SLC44A4: variants seen among roughly 807,000 people sequenced by gnomAD.
SLC44A4 encodes solute carrier family 44 member 4, also known as choline transporter-like protein 4.
SLC44A4 carries 74 observed loss-of-function variants against 97.0 expected under a neutral mutation model. The ratio of observed to expected loss-of-function variants is 0.76; its 90% confidence interval spans 0.63 to 0.93. The LOEUF (loss-of-function observed/expected upper bound fraction) is 0.93, where lower values mean the gene tolerates loss of function less well. Among genes scored for constraint, SLC44A4 ranks in the 40% least tolerant of loss-of-function variants. SLC44A4 has a pLI of 0.00. For missense variants in SLC44A4, 799 were observed against 902.9 expected, an observed-to-expected ratio of 0.88 and a Z score of 1.48; for synonymous variants, 325 against 363.8, an observed-to-expected ratio of 0.89 and a Z score of 1.21.
rs116709967 is a variant in SLC44A4, at chr6:31,874,307, A to C, written c.529+153T>G. Among the ~76,000 whole-genome samples the C allele has an allele frequency of 6.6e-6, 1 of 152,204 alleles. No individual in the cohort carries two copies. The highest frequency in any genetic ancestry group is 1.5e-5 in the Non-Finnish European group (1 of 68,044). ...ACACTGATGGTCTGACTGCAAGGCC[A>C]CATAACAAAGAGCAAAATGAAGACC... On this transcript the variant is annotated intron_variant, in intron 7 of 20. Transcript: ENST00000229729. This position sits in a 1 kb window ranked among gnomAD's most constrained non-coding sequence, Gnocchi z 4.8.
chr6:31,878,017 G>C lies in SLC44A4; in HGVS notation c.40+924C>G, dbSNP rs1239987426. The C allele has an allele frequency of 6.6e-6, 1 of 151,984 alleles. No individual in the cohort carries two copies. Among genetic ancestry groups the C allele is most frequent in the Non-Finnish European group, 1.5e-5 (1 of 68,004 alleles). The allele number at this position is 151,984 out of a possible 1,614,324, so 9.4% of individuals were successfully genotyped here. A position where few individuals can be genotyped will look rare whatever the true frequency, so the allele number is the denominator to read the frequency against. On this transcript the variant is annotated intron_variant, in intron 1 of 20. Transcript: ENST00000229729. The surrounding 1 kb of genome is among the most constrained non-coding windows in gnomAD (Gnocchi z 4.0). ...CCCTAAGGGACTCAAGCCTCTCCTC[G>C]AGAAGGTCCCTCATAGGGGTTCCTT...
chr6:31,866,658 C>T (rs991137283), intron 13 of SLC44A4, among the ~76,000 whole-genome samples: 2 of 151,938 alleles, frequency 1.3e-5, no homozygotes, highest in African/African-American at 4.8e-5. Flanking sequence ...TTTGGGAGGC[C>T]GAGGTGGGCG....
Position 31,878,074 on chromosome 6 carries a change from C to T in SLC44A4, c.40+867G>A, listed in dbSNP as rs944457708. The T allele has an allele frequency of 6.6e-6, 1 of 152,116 alleles. No homozygotes were observed. The highest frequency in any genetic ancestry group is 2.4e-5 in the African/African-American group (1 of 41,336). The allele number at this position is 152,116 out of a possible 1,614,324, so 9.4% of individuals were successfully genotyped here. On this transcript the variant is annotated intron_variant, in intron 1 of 20. Transcript: ENST00000229729. The surrounding 1 kb of genome is among the most constrained non-coding windows in gnomAD (Gnocchi z 4.0). ...CAGACCAGAAGACCAGGGGGGCCTC[C>T]GCAGGTGAGTCCCCAGCCTTCACTG...
Position 31,865,631 on chromosome 6 carries a change from A to G in SLC44A4, c.1583-30T>C. The G allele has an allele frequency of 6.2e-7, 1 of 1,610,296 alleles. No homozygotes were observed. Among genetic ancestry groups the G allele is most frequent in the Non-Finnish European group, 8.5e-7 (1 of 1,177,532 alleles). On this transcript the variant is annotated intron_variant, in intron 15 of 20. Transcript: ENST00000229729. The surrounding 1 kb of genome is among the most constrained non-coding windows in gnomAD (Gnocchi z 5.2). ...GAGCGAGGAAGGCTCATGTTTGGTCACTGCCCCTCCCTAATGGCCTTCCCC... is the reference window on the plus strand; with the variant it reads ...GAGCGAGGAAGGCTCATGTTTGGTCGCTGCCCCTCCCTAATGGCCTTCCCC...
At position 31,863,473 on chromosome 6, in the gene SLC44A4, G is replaced by T; in HGVS notation, c.*154C>A. 9.3e-7 allele frequency: 1 copy of T among 1,080,002 alleles called. No homozygotes were observed. Among genetic ancestry groups the T allele is most frequent in the Non-Finnish European group, 1.3e-6 (1 of 789,606 alleles). 66.9% of individuals were successfully genotyped at this position (1,080,002 alleles called of 1,614,324 possible). On this transcript the variant is annotated 3_prime_UTR_variant, in exon 21 of 21. Transcript: ENST00000229729. ...AACTCCTGACTCAGGTGATCCGCCC[G>T]CCTCAGCCTCTCAAAGTGTTGGATT...
In SLC44A4 at chr6:31,870,818, C is replaced by G; in HGVS notation, c.931G>C (p.Ala311Pro). 1 of 1,613,040 alleles carries G rather than the reference C, an allele frequency of 6.2e-7. No individual in the cohort carries two copies. Among genetic ancestry groups the G allele is most frequent in the Non-Finnish European group, 8.5e-7 (1 of 1,180,002 alleles). Residue 311 changes from alanine (A) to proline (P), a missense_variant, in exon 10 of 21, where the codon GCC (alanine) becomes CCC (proline). By Grantham distance (27) the Ala-to-Pro change is conservative. This residue lies in a region of SLC44A4 where 409 missense variants were observed against 434.1 expected (regional missense o/e 0.94). Coordinates refer to ENST00000229729, the MANE Select transcript of SLC44A4 (RefSeq NM_025257.3). ...GGGTGGGCAGGACACTCACGGGCGG[C>G]CAGCCAGGTCTCCTGCACGCTCTGG... ...AYQSVQETWL[A>P]ALIVLAVLEA...
Position 31,876,061 on chromosome 6 carries a change from A to G in SLC44A4, c.158T>C (p.Ile53Thr), listed in dbSNP as rs957907913. 6.2e-6 allele frequency: 10 copies of G among 1,613,828 alleles called. No homozygotes were observed. Among genetic ancestry groups the G allele is most frequent in the Non-Finnish European group, 7.6e-6 (9 of 1,179,998 alleles). Residue 53 changes from isoleucine (I) to threonine (T), a missense_variant, in exon 3 of 21, where the codon ATT becomes ACT. Transcript: ENST00000229729. This position sits in a 1 kb window ranked among gnomAD's most constrained non-coding sequence, Gnocchi z 4.8. ...LFILGYIVVG[I>T]VAWLYGDPRQ... Reference sequence around the variant, plus strand: ...CTGAGCAGCTGGAAACTCACCCACAATCCCCACCACGATGTAACCTAGAAT... The same window carrying G: ...CTGAGCAGCTGGAAACTCACCCACAGTCCCCACCACGATGTAACCTAGAAT...
rs1299060751 is a variant in SLC44A4 at position 31,869,143 on chromosome 6, G to A, written c.1233+12C>T. On this transcript the variant is annotated intron_variant, in intron 13 of 20. Transcript: ENST00000229729. Reference sequence around the variant, plus strand: ...TACTAGTCCCGCCTCCATGTCCCCTGCTTCCTCTTACCGTGGGGTTGCATG... The same window carrying A: ...TACTAGTCCCGCCTCCATGTCCCCTACTTCCTCTTACCGTGGGGTTGCATG... 2 of 1,594,742 alleles carry A rather than the reference G, an allele frequency of 1.3e-6. No homozygotes were observed. The highest frequency in any genetic ancestry group is 1.3e-5 in the African/African-American group (1 of 74,640).
At position 31,875,860 on chromosome 6, in the gene SLC44A4, C is replaced by T. The variant is rs1245623410; in HGVS notation, c.234G>A (p.Gly78=). 2.5e-6 allele frequency: 4 copies of T among 1,610,802 alleles called. No homozygotes were observed. The highest frequency in any genetic ancestry group is 2.2e-5 in the East Asian group (1 of 44,806). ...RNSTGAYCGM[G]ENKDKPYLLY... ...CTCGCCTTTGTACTCACTTGTTCTC[C>T]CCCATGCCACAGTAGGCCCCAGTAG... Residue 78 remains glycine, a synonymous_variant, in exon 4 of 21, where the codon GGG becomes GGA. Transcript: ENST00000229729.
At position 31,871,516 on chromosome 6, in the gene SLC44A4, A is replaced by T. The variant is rs1482197987; in HGVS notation, c.575T>A (p.Leu192His). ...FPWTNVTPPALPGITNDTTIQ... is the reference protein window; with the variant it reads ...FPWTNVTPPAHPGITNDTTIQ... ...GGTGGTGTCATTGGTGATCCCTGGG[A>T]GCGCCGGTGGAGTAACGTTGGTCCA... is the stretch of plus-strand genomic sequence containing the variant. The change falls in exon 8 of 21, where the codon CTC (leucine) becomes CAC (histidine). Residue 192 changes from leucine (L) to histidine (H), a missense_variant. Around this residue, in one of 3 missense-constraint regions of SLC44A4, gnomAD observed 409 missense variants for 434.1 expected, o/e 0.94. Transcript: ENST00000229729. The T allele has an allele frequency of 6.2e-7, 1 of 1,613,738 alleles. No homozygotes were observed. Among genetic ancestry groups the T allele is most frequent in the Non-Finnish European group, 8.5e-7 (1 of 1,179,858 alleles).
chr6:31,874,737 C>T lies in SLC44A4; in HGVS notation c.452G>A (p.Gly151Glu). The T allele has an allele frequency of 6.2e-7, 1 of 1,612,468 alleles. No individual in the cohort carries two copies. ...YTKNRNFCLP[G>E]VPWNMTVITS... Reference sequence around the variant, plus strand: ...AATATTCACCATATTCCAGGGTACCCCTGGCAGACAAAAGTTCCTGTTTTT... The same window carrying T: ...AATATTCACCATATTCCAGGGTACCTCTGGCAGACAAAAGTTCCTGTTTTT... Residue 151 changes from glycine to glutamate, a missense_variant, in exon 6 of 21, where the codon GGG (glycine) becomes GAG (glutamate). By Grantham distance (98) the Gly-to-Glu change is moderately conservative. Around this residue, in one of 3 missense-constraint regions of SLC44A4, gnomAD observed 409 missense variants for 434.1 expected, o/e 0.94. Coordinates refer to ENST00000229729, the MANE Select transcript of SLC44A4 (RefSeq NM_025257.3). This position sits in a 1 kb window ranked among gnomAD's most constrained non-coding sequence, Gnocchi z 4.8.
At position 31,866,000 on chromosome 6, in the gene SLC44A4, G is replaced by C. The variant is rs1333508106; in HGVS notation, c.1360C>G (p.Leu454Val). 6.2e-7 allele frequency: 1 copy of C among 1,614,216 alleles called. No individual in the cohort carries two copies. The highest frequency in any genetic ancestry group is 1.3e-5 in the African/African-American group (1 of 75,048). Residue 454 changes from leucine (L) to valine (V), a missense_variant, in exon 14 of 21, where the codon CTT becomes GTT. By Grantham distance (32) the Leu-to-Val change is conservative. Coordinates refer to ENST00000229729, the MANE Select transcript of SLC44A4 (RefSeq NM_025257.3). This position sits in a 1 kb window ranked among gnomAD's most constrained non-coding sequence, Gnocchi z 5.2. ...IYGVLGLFWT[L>V]NWVLALGQCV... is the part of the protein sequence containing the mutation. ...TGGCCCAGGGCCAGTACCCAGTTAA[G>C]GGTCCAGAAGAGCCCCAGGACCCCA...
intron 13 of SLC44A4, among the ~76,000 whole-genome samples, chr6:31,866,622 G>T (rs1762887632): frequency 6.6e-6 from 1 of 152,170 alleles, no homozygotes; most frequent in Non-Finnish European, 1.5e-5. Flanking sequence ...GGCGGGTGCG[G>T]TGGCTTATGC....
chr6:31,875,375 T>C (rs977762081), intron 4 of SLC44A4, among the ~76,000 whole-genome samples: 2 of 152,230 alleles, frequency 1.3e-5, no homozygotes, highest in Non-Finnish European at 2.9e-5. Context: ...AATGCGCTTG[T>C]GTGTGTAAAG....
At chr6:31,872,589 G>GT (rs1188634043) in intron 7 of SLC44A4, among the ~76,000 whole-genome samples, 1 of 152,164 alleles carries the variant, frequency 6.6e-6, no homozygotes, top group African/African-American at 2.4e-5. Context: ...CTGGAGTGCA[G>GT]TGGCACAATC....
rs148794945 is a variant in SLC44A4 at position 31,874,466 on chromosome 6, C to T, written c.523G>A (p.Ala175Thr). Reference protein sequence around the residue: ...ELCPSFLLPSAPALGRCFPWT... With the variant: ...ELCPSFLLPSTPALGRCFPWT... ...AGGAATCTGTGCTTCTCACCTGGAG[C>T]AGAGGGGAGGAGGAAACTGGGGCAG... The change falls in exon 7 of 21, where the codon GCT becomes ACT. Residue 175 changes from alanine to threonine, a missense_variant. Physicochemically the swap from Ala to Thr is moderately conservative, Grantham distance 58 (BLOSUM62 0). Around this residue, in one of 3 missense-constraint regions of SLC44A4, gnomAD observed 409 missense variants for 434.1 expected, o/e 0.94. Transcript: ENST00000229729. The surrounding 1 kb of genome is among the most constrained non-coding windows in gnomAD (Gnocchi z 4.8). The T allele has an allele frequency of 3.0e-5, 48 of 1,613,070 alleles. No individual in the cohort carries two copies. In the African/African-American group the frequency reaches 6.1e-4, roughly 21 times the overall value.
intron 4 of SLC44A4, 70 bp from the exon 5 acceptor site, chr6:31,875,098 G>C: frequency 7.8e-7 from 1 of 1,285,998 alleles, no homozygotes; most frequent in Non-Finnish European, 1.1e-6. Flanking sequence ...GACCACTAGG[G>C]TGGCTTCTCA....
Position 31,877,650 on chromosome 6 carries a change from C to T in SLC44A4, c.41-568G>A. 1.0e-6 allele frequency: 1 copy of T among 986,432 alleles called. No individual in the cohort carries two copies. The highest frequency in any genetic ancestry group is 1.2e-6 in the Non-Finnish European group (1 of 830,558). The allele number at this position is 986,432 out of a possible 1,614,324, so 61.1% of individuals were successfully genotyped here. A position where few individuals can be genotyped will look rare whatever the true frequency, so the allele number is the denominator to read the frequency against. On this transcript the variant is annotated intron_variant, in intron 1 of 20. Transcript: ENST00000229729. The surrounding 1 kb of genome is among the most constrained non-coding windows in gnomAD (Gnocchi z 6.5). ...GGGGAGGGAAGCGGCCCTGTACATC[C>T]TCACTCTGGTGGGACCTCAGTCCCC...
At chr6:31,872,634 G>A (rs887890329) in intron 7 of SLC44A4, among the ~76,000 whole-genome samples, 1 of 150,866 alleles carries the variant, frequency 6.6e-6, no homozygotes, top group Non-Finnish European at 1.5e-5. Flanking sequence ...CAGGACTCAA[G>A]TGATCCTCCC....
Sources: allele counts gnomAD v4.1 joint callset (sites outside exome capture counted in the v4.1 genomes callset), GRCh38; gene constraint gnomAD v4.1.1; regional missense constraint gnomAD v4.1.1; non-coding constraint Gnocchi (gnomAD v3.1); transcripts MANE v1.5; gene names NCBI Gene and HGNC (gene_info 2026-07-23, HGNC 2026-07-21).